Variants in ANK2 observed in about 807,000 individuals in gnomAD.
ANK2 encodes ankyrin-2.
Under a neutral mutation model 360.5 loss-of-function variants are expected in ANK2, and 83 were observed. The ratio of observed to expected loss-of-function variants is 0.23; its 90% CI spans 0.19 to 0.28. ANK2 has a LOEUF of 0.28. Among genes scored for constraint, ANK2 ranks in the 10% least tolerant of loss-of-function variants. The probability of loss-of-function intolerance (pLI) is 1.00; values close to 1 mark genes in which losing one functional copy is unlikely to be tolerated. For synonymous variants in ANK2, 1,740 were observed against 1,759.5 expected, an observed-to-expected ratio of 0.99 and a Z score of 0.28; for missense variants, 4,201 against 4,795.7, an observed-to-expected ratio of 0.88 and a Z score of 3.66.
the ANK2 span, among the ~76,000 whole-genome samples, chr4:112,798,923 CCA>C: frequency 6.6e-6 from 1 of 152,154 alleles, no homozygotes; most frequent in Admixed American, 6.5e-5. Flanking sequence ...CTATCTGTCT[CCA>C]GATCTTTTTT....
chr4:112,967,423 C>G (rs375860391), intron 2 of ANK2, among the ~76,000 whole-genome samples: 1 of 152,228 alleles, frequency 6.6e-6, no homozygotes, highest in Non-Finnish European at 1.5e-5. Context: ...GCGTAATAAC[C>G]TTTTCCCTCA....
chr4:112,814,799 T>A (rs1414079717), upstream of ANK2, among the ~76,000 whole-genome samples: 1 of 152,188 alleles, frequency 6.6e-6, no homozygotes, highest in Non-Finnish European at 1.5e-5. Context: ...TTTTGAATAT[T>A]AAACCTTTGT....
At chr4:113,082,290 A>G (rs2082709728) in intron 1 of ANK2, among the ~76,000 whole-genome samples, 1 of 151,988 alleles carries the variant, frequency 6.6e-6, no homozygotes, top group Non-Finnish European at 1.5e-5. Context: ...ACGCCTTCCT[A>G]TTTCAAACTT....
At chr4:112,813,535 A>ATTTT (rs1440611137), upstream of ANK2, among the ~76,000 whole-genome samples, 1 of 138,956 alleles carries the variant, frequency 7.2e-6, no homozygotes, top group African/African-American at 3.0e-5. Context: ...TATTATATTT[A>ATTTT]TTTATTTATT....
At chr4:113,186,837 G>A (rs1377596459) in intron 2 of ANK2, among the ~76,000 whole-genome samples, 1 of 152,178 alleles carries the variant, frequency 6.6e-6, no homozygotes, top group East Asian at 1.9e-4. Context: ...AGATTGATGT[G>A]GGCATGATCA....
chr4:113,368,019 A>G (rs2096597851), intron 42 of ANK2, among the ~76,000 whole-genome samples, 168 bp downstream of exon 42: 1 of 152,238 alleles, frequency 6.6e-6, no homozygotes, highest in Non-Finnish European at 1.5e-5. Context: ...TGTAAGAGAC[A>G]TAATTGTGAC....
intron 21 of ANK2, among the ~76,000 whole-genome samples, chr4:113,292,820 C>A (rs180882196): frequency 6.6e-6 from 1 of 152,086 alleles, no homozygotes; most frequent in Non-Finnish European, 1.5e-5. Flanking sequence ...ACAAATTGAC[C>A]CCCCCTCGCC....
intron 1 of ANK2, among the ~76,000 whole-genome samples, chr4:112,847,638 G>A (rs1393190295): frequency 6.6e-6 from 1 of 152,064 alleles, no homozygotes; most frequent in Non-Finnish European, 1.5e-5. Flanking sequence ...ATTTGCCACT[G>A]TGTATCTTCT....
chr4:113,154,765 A>G (rs535408431), intron 1 of ANK2, among the ~76,000 whole-genome samples: 8 of 152,264 alleles, frequency 5.3e-5, no homozygotes, highest in Non-Finnish European at 7.4e-5. Flanking sequence ...TTTGGTATTG[A>G]TTTGTCGTAC....
chr4:112,943,836 A>G (rs1313964450), intron 2 of ANK2, among the ~76,000 whole-genome samples: 2 of 152,120 alleles, frequency 1.3e-5, no homozygotes, highest in East Asian at 1.9e-4. Flanking sequence ...GATTACTTTG[A>G]GAGAATATAA....
At chr4:112,875,926 T>C (rs1387347760) in intron 1 of ANK2, among the ~76,000 whole-genome samples, 7 of 151,274 alleles carry the variant, frequency 4.6e-5, no homozygotes, top group African/African-American at 7.3e-5. Context: ...TTTTTCTTTT[T>C]TTTTTTTTTT....
At chr4:113,260,011 C>A (rs980635925) in intron 13 of ANK2, among the ~76,000 whole-genome samples, 4 of 152,100 alleles carry the variant, frequency 2.6e-5, no homozygotes, top group African/African-American at 9.7e-5. Context: ...ATCAGAGGAG[C>A]AATAGTGACA....
intron 2 of ANK2, among the ~76,000 whole-genome samples, chr4:113,013,654 G>T (rs1229942122): frequency 3.3e-5 from 5 of 152,000 alleles, no homozygotes; most frequent in African/African-American, 1.2e-4. Flanking sequence ...CCTTGGCAGT[G>T]GCTTTTCTTA....
At position 113,100,844 on chromosome 4, in the gene ANK2, A is replaced by G. The variant is rs539651103; in HGVS notation, c.84+51032A>G. Reference sequence around the variant, plus strand: ...AAATATGCAGCAGCTGTAAGGGCATATGGCTAAGTGAAGAAACAAGCCCTT... The same window carrying G: ...AAATATGCAGCAGCTGTAAGGGCATGTGGCTAAGTGAAGAAACAAGCCCTT... On this transcript the variant is annotated intron_variant, in intron 1 of 45. Coordinates refer to ENST00000357077, the MANE Select transcript of ANK2 (RefSeq NM_001148.6). Among the ~76,000 whole-genome samples the G allele has an allele frequency of 7.2e-5, 11 of 152,306 alleles. No homozygotes were observed. The East Asian group carries it at 2.1e-3, about 29-fold the overall frequency.
At chr4:112,931,835 C>T (rs1228223242) in intron 2 of ANK2, among the ~76,000 whole-genome samples, 1 of 152,102 alleles carries the variant, frequency 6.6e-6, no homozygotes, top group African/African-American at 2.4e-5. Flanking sequence ...ACATTTTAAA[C>T]AGGTAGAGTT....
At chr4:112,810,378 A>G in the ANK2 span, among the ~76,000 whole-genome samples, 1 of 151,808 alleles carries the variant, frequency 6.6e-6, no homozygotes, top group Non-Finnish European at 1.5e-5. Context: ...ATTCTCTGCT[A>G]TCTTCTGATA....
chr4:113,156,230 A>C (rs75900121), intron 1 of ANK2, among the ~76,000 whole-genome samples: 1,902 of 152,314 alleles, frequency 0.012, 19 homozygotes, highest in Non-Finnish European at 0.021. Context: ...TATGATATAT[A>C]AAATACCTTT....
intron 1 of ANK2, among the ~76,000 whole-genome samples, chr4:112,873,650 C>T (rs921869440): frequency 1.3e-5 from 2 of 151,034 alleles, no homozygotes; most frequent in Admixed American, 6.6e-5. Flanking sequence ...CATTCTCCTG[C>T]CTCAGCCTCC....
intron 38 of ANK2, 139 bp downstream of exon 38, chr4:113,359,438 C>T: frequency 5.5e-6 from 6 of 1,096,454 alleles, no homozygotes; most frequent in Non-Finnish European, 7.8e-6. Flanking sequence ...TTGTGTAAGC[C>T]CTTTGTGTTT....
Sources: allele counts gnomAD v4.1 joint callset (sites outside exome capture counted in the v4.1 genomes callset), GRCh38; gene constraint gnomAD v4.1.1; transcripts MANE v1.5; gene names NCBI Gene and HGNC (gene_info 2026-07-23, HGNC 2026-07-21).